Variants in CSGALNACT1 observed in about 807,000 individuals in gnomAD.
The protein encoded by CSGALNACT1 is chondroitin sulfate N-acetylgalactosaminyltransferase 1.
Under a neutral mutation model 51.0 loss-of-function variants are expected in CSGALNACT1, and 52 were observed. The observed-to-expected ratio is 1.02, with a 90% CI of 0.82 to 1.29. CSGALNACT1 has a LOEUF of 1.29. Ranked by LOEUF, CSGALNACT1 falls within the 50% of genes most tolerant of loss-of-function variation. The pLI is 0.00. For missense variants in CSGALNACT1, 935 were observed against 679.2 expected (o/e 1.38, Z -4.19); for synonymous variants, 341 against 254.4 (o/e 1.34, Z -3.24).
chr8:19,634,361 C>G (rs896432075), intron 1 of CSGALNACT1, among the ~76,000 whole-genome samples: 1 of 152,066 alleles, frequency 6.6e-6, no homozygotes, highest in Non-Finnish European at 1.5e-5. Flanking sequence ...GATTAGCGCC[C>G]TTACAAGAAG....
chr8:19,610,116 C>G (rs536481456), intron 1 of CSGALNACT1, among the ~76,000 whole-genome samples: 3 of 150,842 alleles, frequency 2.0e-5, no homozygotes, highest in Non-Finnish European at 4.4e-5. Context: ...CAGCTAAAAC[C>G]CCGTCTCTAC....
At chr8:19,404,373 G>A (rs1368170675) in exon 10 of CSGALNACT1, 8 of 453,760 alleles carry the variant, frequency 1.8e-5, no homozygotes, top group Non-Finnish European at 3.5e-5. Context: ...TCATGCATCT[G>A]GTGCTGGCTA....
intron 3 of CSGALNACT1, among the ~76,000 whole-genome samples, chr8:19,578,115 A>G (rs547213444): frequency 1.9e-4 from 29 of 152,336 alleles, no homozygotes; most frequent in African/African-American, 6.7e-4. Context: ...CGCAGGTGGC[A>G]CCGCAGGTCG....
At chr8:19,525,924 T>G (rs1445385514) in intron 3 of CSGALNACT1, among the ~76,000 whole-genome samples, 1 of 152,134 alleles carries the variant, frequency 6.6e-6, no homozygotes, top group Non-Finnish European at 1.5e-5. Flanking sequence ...TATATAACCG[T>G]AGTGCAATAT....
chr8:19,489,886 G>A (rs1389805425), intron 4 of CSGALNACT1, among the ~76,000 whole-genome samples: 1 of 152,166 alleles, frequency 6.6e-6, no homozygotes, highest in African/African-American at 2.4e-5. Context: ...GGAATGGTAT[G>A]TTTACACACA....
intron 1 of CSGALNACT1, among the ~76,000 whole-genome samples, chr8:19,618,368 C>A (rs1264403059): frequency 2.0e-5 from 3 of 151,994 alleles, no homozygotes; most frequent in Non-Finnish European, 4.4e-5. Flanking sequence ...TGGCAGGGCC[C>A]AGTGGCTCAT....
chr8:19,530,109 CT>C (rs2082446706), intron 3 of CSGALNACT1, among the ~76,000 whole-genome samples: 1 of 152,014 alleles, frequency 6.6e-6, no homozygotes, highest in South Asian at 2.1e-4. Context: ...GTAATCCCAG[CT>C]ACTCGGGGGC....
chr8:19,497,040 T>C (rs568998863), intron 4 of CSGALNACT1, among the ~76,000 whole-genome samples: 7 of 152,054 alleles, frequency 4.6e-5, no homozygotes, highest in Non-Finnish European at 1.0e-4. Flanking sequence ...GATCAACAAA[T>C]ATTCTCACCT....
chr8:19,681,239 A>C (rs2060594120), intron 1 of CSGALNACT1, among the ~76,000 whole-genome samples: 1 of 152,176 alleles, frequency 6.6e-6, no homozygotes, highest in Non-Finnish European at 1.5e-5. Flanking sequence ...ATAGGAAGAA[A>C]TTCACAGCAA....
intron 4 of CSGALNACT1, among the ~76,000 whole-genome samples, chr8:19,462,742 T>C (rs541330912): frequency 6.6e-5 from 10 of 152,344 alleles, no homozygotes; most frequent in African/African-American, 2.4e-4. Context: ...AGCTGGTTTC[T>C]CTATACTCTG....
At chr8:19,664,050 G>A (rs2058983781) in intron 1 of CSGALNACT1, among the ~76,000 whole-genome samples, 1 of 152,216 alleles carries the variant, frequency 6.6e-6, no homozygotes, top group South Asian at 2.1e-4. Context: ...GGTAGGCCAG[G>A]AAACCCTCCA....
intron 5 of CSGALNACT1, among the ~76,000 whole-genome samples, chr8:19,441,695 C>G (rs931314875): frequency 5.3e-5 from 8 of 152,086 alleles, no homozygotes; most frequent in Admixed American, 1.3e-4. Context: ...AAAGCAATGG[C>G]AACAAAAGCC....
intron 3 of CSGALNACT1, among the ~76,000 whole-genome samples, chr8:19,508,918 G>C (rs2077900132): frequency 6.6e-6 from 1 of 152,176 alleles, no homozygotes; most frequent in Non-Finnish European, 1.5e-5. Context: ...TCAAGATCTA[G>C]TTTGGCTTTT....
At chr8:19,427,964 G>C (rs937422609) in intron 6 of CSGALNACT1, among the ~76,000 whole-genome samples, 2 of 152,030 alleles carry the variant, frequency 1.3e-5, no homozygotes, top group African/African-American at 4.8e-5. Flanking sequence ...TCTCATCGTA[G>C]GTGTAGGATA....
chr8:19,549,656 C>CCTT (rs764757340), intron 3 of CSGALNACT1, among the ~76,000 whole-genome samples: 1 of 83,468 alleles, frequency 1.2e-5, no homozygotes, highest in Non-Finnish European at 2.3e-5. Context: ...CAATTTCCTA[C>CCTT]TTTTTTTTTT....
intron 4 of CSGALNACT1, chr8:19,494,903 G>T (rs1050052932): frequency 1.4e-5 from 2 of 140,774 alleles, no homozygotes; most frequent in Non-Finnish European, 3.1e-5. Context: ...CGGGGGGCAG[G>T]AGGGTCGGGT....
At chr8:19,476,461 G>A (rs1246339480) in intron 4 of CSGALNACT1, among the ~76,000 whole-genome samples, 1 of 152,052 alleles carries the variant, frequency 6.6e-6, no homozygotes. Context: ...AAGCTGGTCT[G>A]GAACTCCTGA....
At chr8:19,405,879 G>C (rs188875259) in exon 10 of CSGALNACT1, 1 of 1,613,972 alleles carries the variant, frequency 6.2e-7, no homozygotes, top group Non-Finnish European at 8.5e-7. Flanking sequence ...GGGATGCCTC[G>C]TTCATGGCCT....
Position 19,408,468 on chromosome 8 carries a change from C to CTT in CSGALNACT1, c.1309+143_1309+144dup, listed in dbSNP as rs1186216767. Reference sequence around the variant, plus strand: ...AGCCACCGCACCTAGTCTGGAATAGCTTTTTTTTTTTTTTTTTTTTTTTTT... The same window carrying CTT: ...AGCCACCGCACCTAGTCTGGAATAGCTTTTTTTTTTTTTTTTTTTTTTTTTTT... On this transcript the variant is annotated intron_variant, in intron 9 of 9. Transcript: ENST00000454498. The CTT allele has an allele frequency of 1.6e-3, 739 of 469,698 alleles. 124 individuals are homozygous for CTT. Among genetic ancestry groups the CTT allele is most frequent in the African/African-American group, 0.014 (385 of 28,364 alleles). The allele number at this position is 469,698 out of a possible 1,614,324, so 29.1% of individuals were successfully genotyped here.
Sources: allele counts gnomAD v4.1 joint callset (sites outside exome capture counted in the v4.1 genomes callset), GRCh38; gene constraint gnomAD v4.1.1; transcripts MANE v1.5; gene names NCBI Gene and HGNC (gene_info 2026-07-23, HGNC 2026-07-21).